ABCA10: variants seen among roughly 807,000 people sequenced by gnomAD.
The protein encoded by ABCA10 is ATP binding cassette subfamily A member 10, also known as ATP-binding cassette sub-family A member 10.
ABCA10 carries 169 observed loss-of-function variants against 187.5 expected under a neutral mutation model. That is an observed-to-expected ratio of 0.90 (90% CI 0.80 to 1.02). The LOEUF (loss-of-function observed/expected upper bound fraction) is 1.02, where lower values mean the gene tolerates loss of function less well. Ranked by LOEUF, ABCA10 falls within the 50% of genes least tolerant of loss-of-function variation. The pLI is 0.00. For missense variants in ABCA10, 1,727 were observed against 1,812.4 expected (o/e 0.95, Z 0.86); for synonymous variants, 574 against 601.8 (o/e 0.95, Z 0.68).
chr17:69,192,098 G>A (rs1398033317), intron 16 of ABCA10, among the ~76,000 whole-genome samples: 1 of 152,232 alleles, frequency 6.6e-6, no homozygotes, highest in Non-Finnish European at 1.5e-5. Flanking sequence ...GCCAAGGCAG[G>A]CAGATCACGA....
intron 20 of ABCA10, 42 bp from the exon 21 acceptor site, chr17:69,182,850 AGCAAG>A: frequency 1.5e-6 from 2 of 1,313,930 alleles, no homozygotes; most frequent in Non-Finnish European, 2.1e-6. Context: ...AAAAAAAAAA[AGCAAG>A]AAAATCAAAG....
chr17:69,162,171 C>A (rs2074222859), intron 27 of ABCA10, among the ~76,000 whole-genome samples: 1 of 152,166 alleles, frequency 6.6e-6, no homozygotes, highest in Admixed American at 6.5e-5. Flanking sequence ...GCAGAGCATT[C>A]AATGGAGATT....
chr17:69,152,597 G>A, intron 34 of ABCA10, 116 bp from the exon 35 acceptor site: 2 of 1,401,180 alleles, frequency 1.4e-6, no homozygotes, highest in South Asian at 3.0e-5. Context: ...AGAAACCTGT[G>A]CAACATGGTG....
intron 5 of ABCA10, 86 bp downstream of exon 5, chr17:69,221,698 CTAAGAGTG>C (rs1439088092): frequency 2.0e-5 from 23 of 1,137,040 alleles, no homozygotes; most frequent in African/African-American, 1.1e-4. Context: ...GTATCACCTC[CTAAGAGTG>C]TAAGAGTAAG....
chr17:69,185,724 T>A, intron 19 of ABCA10, 81 bp from the exon 20 acceptor site: 1 of 1,177,440 alleles, frequency 8.5e-7, no homozygotes, highest in Non-Finnish European at 1.2e-6. Flanking sequence ...ATATAAGTGC[T>A]AACTATGGAA....
chr17:69,220,156 G>C lies in ABCA10; in HGVS notation c.304-385C>G, dbSNP rs965354295. 9.2e-5 allele frequency among the ~76,000 whole-genome samples: 14 copies of C among 152,118 alleles called. 1 individual carries two copies. The highest frequency in any genetic ancestry group is 9.2e-4 in the Admixed American group (14 of 15,268). On this transcript the variant is annotated intron_variant, in intron 5 of 38. Transcript: ENST00000690296. The stretch of plus-strand genomic sequence containing the variant: ...GCAACTATGTTCAAAGAAAAGTGTA[G>C]GAAAATCAAGAAAGGCTTCCCTAAA...
In ABCA10 at chr17:69,150,008, G is replaced by A. The variant is rs141260911; in HGVS notation, c.4453C>T (p.Arg1485Trp). The A allele has an allele frequency of 7.6e-3, 12,176 of 1,612,600 alleles. 63 individuals are homozygous for A. Among genetic ancestry groups the A allele is most frequent in the Non-Finnish European group, 9.2e-3 (10,894 of 1,179,038 alleles). ...LPVEDVHPLS[R>W]AFFKLEAMKQ... ...CTCGCCTCTAACTTGAAAAAGGCCC[G>A]AGATAGAGGGTGGACATCCTCCACA... Residue 1485 changes from arginine (R) to tryptophan (W), a missense_variant, in exon 37 of 39, where the codon CGG (arginine) becomes TGG (tryptophan). Arg to Trp is a moderately radical substitution (Grantham distance 101). Coordinates refer to ENST00000690296, the MANE Select transcript of ABCA10 (RefSeq NM_001377321.1).
chr17:69,177,012 C>T (rs1046343341), intron 22 of ABCA10, among the ~76,000 whole-genome samples: 8 of 152,112 alleles, frequency 5.3e-5, no homozygotes, highest in Non-Finnish European at 7.4e-5. Flanking sequence ...TTTGCTCCCC[C>T]ATCTCTCTTC....
chr17:69,154,956 G>GTAGTC (rs1477743776), intron 30 of ABCA10, 63 bp downstream of exon 30: 2 of 1,238,052 alleles, frequency 1.6e-6, no homozygotes, highest in Non-Finnish European at 2.3e-6. Context: ...TGTCCCCTTT[G>GTAGTC]TAGTCTTAAA....
intron 25 of ABCA10, among the ~76,000 whole-genome samples, chr17:69,168,163 T>C (rs2074268204): frequency 1.3e-5 from 2 of 152,170 alleles, no homozygotes; most frequent in East Asian, 1.9e-4. Flanking sequence ...ATATAATATA[T>C]ATATACAAAA....
intron 37 of ABCA10, 124 bp downstream of exon 37, chr17:69,149,860 T>C (rs1419005021): frequency 1.4e-6 from 1 of 725,454 alleles, no homozygotes; most frequent in Non-Finnish European, 2.2e-6. Flanking sequence ...ATGACTATCC[T>C]GGTAGGGATT....
chr17:69,160,401 G>T (rs2074207026), intron 27 of ABCA10, among the ~76,000 whole-genome samples: 1 of 152,172 alleles, frequency 6.6e-6, no homozygotes, highest in Non-Finnish European at 1.5e-5. Context: ...GAGGTCAGGA[G>T]ATTGAGACCA....
intron 9 of ABCA10, among the ~76,000 whole-genome samples, chr17:69,204,994 G>A (rs187767840): frequency 3.0e-4 from 46 of 152,232 alleles, no homozygotes; most frequent in African/African-American, 1.1e-3. Context: ...TGGGTGTGGT[G>A]GTGTATGCTG....
At chr17:69,236,814 CTGG>C (rs1179154257) in intron 1 of ABCA10, among the ~76,000 whole-genome samples, 2 of 145,844 alleles carry the variant, frequency 1.4e-5, no homozygotes, top group East Asian at 4.5e-4. Context: ...CTACTGGCAT[CTGG>C]TGGGAAGAGG....
At chr17:69,156,032 A>G in intron 28 of ABCA10, 107 bp from the exon 29 acceptor site, 1 of 1,276,896 alleles carries the variant, frequency 7.8e-7, no homozygotes, top group African/African-American at 1.5e-5. Flanking sequence ...AAAGACTATC[A>G]CATCATTAAT....
chr17:69,203,184 G>A (rs2074561128), intron 9 of ABCA10, among the ~76,000 whole-genome samples: 2 of 152,010 alleles, frequency 1.3e-5, no homozygotes, highest in South Asian at 4.1e-4. Context: ...ATATTATGTG[G>A]GAGAGAAGAA....
chr17:69,228,362 C>T (rs2074809164), intron 1 of ABCA10, among the ~76,000 whole-genome samples: 2 of 151,876 alleles, frequency 1.3e-5, no homozygotes, highest in African/African-American at 4.8e-5. Context: ...TTTATATACA[C>T]CTCTGAATCT....
intron 30 of ABCA10, 45 bp from the exon 31 acceptor site, chr17:69,154,371 C>T (rs2074156896): frequency 7.3e-7 from 1 of 1,365,416 alleles, no homozygotes; most frequent in Admixed American, 2.1e-5. Context: ...TCAAGGTTGA[C>T]TAATCTAAAA....
At chr17:69,170,669 C>G (rs2074291662) in intron 25 of ABCA10, among the ~76,000 whole-genome samples, 1 of 152,012 alleles carries the variant, frequency 6.6e-6, no homozygotes, top group Admixed American at 6.6e-5. Flanking sequence ...GTAACAGATA[C>G]CCTAAAGGGT....
Sources: allele counts gnomAD v4.1 joint callset (sites outside exome capture counted in the v4.1 genomes callset), GRCh38; gene constraint gnomAD v4.1.1; transcripts MANE v1.5; gene names NCBI Gene and HGNC (gene_info 2026-07-23, HGNC 2026-07-21).